The following CSGALNACT1 variants were observed in gnomAD, a reference collection of about 807,000 sequenced individuals.
CSGALNACT1 encodes the protein beta4GalNAcT-1.
A neutral mutation model predicts 51.0 loss-of-function variants in CSGALNACT1; 52 were observed. The ratio of observed to expected loss-of-function variants is 1.02; its 90% CI spans 0.82 to 1.29. The LOEUF is 1.29. CSGALNACT1 is among the 50% of genes most tolerant of loss of function. The probability of loss-of-function intolerance (pLI) is 0.00; values close to 1 mark genes in which losing one functional copy is unlikely to be tolerated. For missense variants in CSGALNACT1, 935 were observed against 679.2 expected, an observed-to-expected ratio of 1.38 and a Z score of -4.19; for synonymous variants, 341 against 254.4, an observed-to-expected ratio of 1.34 and a Z score of -3.24.
chr8:19,559,670 A>C (rs1183306045), intron 3 of CSGALNACT1, among the ~76,000 whole-genome samples: 1 of 152,168 alleles, frequency 6.6e-6, no homozygotes, highest in African/African-American at 2.4e-5. Flanking sequence ...GCAAACCGAA[A>C]ATGAAATCCA....
chr8:19,755,904 T>C (rs1423633772), intron 1 of CSGALNACT1, among the ~76,000 whole-genome samples: 1 of 152,228 alleles, frequency 6.6e-6, no homozygotes, highest in Non-Finnish European at 1.5e-5. Flanking sequence ...TGTACGGTGA[T>C]CTTACAATGG....
At chr8:19,742,550 C>T (rs949334304) in intron 1 of CSGALNACT1, among the ~76,000 whole-genome samples, 4 of 152,218 alleles carry the variant, frequency 2.6e-5, no homozygotes, top group South Asian at 2.1e-4. Flanking sequence ...GCATCCCCCA[C>T]GACAGCTGTT....
intron 2 of CSGALNACT1, among the ~76,000 whole-genome samples, chr8:19,599,417 G>A (rs764889179): frequency 6.2e-4 from 88 of 142,990 alleles, no homozygotes; most frequent in Non-Finnish European, 1.2e-3. Flanking sequence ...GGAAAGAAAG[G>A]AAGGAAGGAA....
chr8:19,439,870 C>T (rs753037758), exon 6 of CSGALNACT1: 2 of 1,614,172 alleles, frequency 1.2e-6, no homozygotes, highest in South Asian at 2.2e-5. Flanking sequence ...TCATTTATTT[C>T]TTCTTTCCCA....
At position 19,657,065 on chromosome 8, in the gene CSGALNACT1, TAAA is replaced by T. The variant is rs200755706; in HGVS notation, c.-544+25405_-544+25407del. ...GCAACAGAGTAAGACTCCATCTCAT[TAAA>T]AAAAAAAAAAAAAAGGAAAACAAAT... On this transcript the variant is annotated intron_variant, in intron 1 of 9. Coordinates refer to the CSGALNACT1 transcript ENST00000332246. 7.9e-3 allele frequency among the ~76,000 whole-genome samples: 988 copies of T among 125,694 alleles called. 4 individuals carry two copies. Among genetic ancestry groups the T allele is most frequent in the Non-Finnish European group, 9.4e-3 (571 of 60,518 alleles). 82.5% of individuals were successfully genotyped at this position (125,694 alleles called of 152,430 possible). A position where few individuals can be genotyped will look rare whatever the true frequency, so the allele number is the denominator to read the frequency against.
At chr8:19,465,742 T>C (rs1297330723) in intron 4 of CSGALNACT1, among the ~76,000 whole-genome samples, 1 of 152,212 alleles carries the variant, frequency 6.6e-6, no homozygotes, top group Admixed American at 6.5e-5. Flanking sequence ...GAAAAGATCT[T>C]GGGCATCCCC....
intron 3 of CSGALNACT1, among the ~76,000 whole-genome samples, chr8:19,567,912 G>C (rs923056469): frequency 1.5e-4 from 23 of 152,166 alleles, no homozygotes; most frequent in Middle Eastern, 3.4e-3. Flanking sequence ...AAAATATAAA[G>C]TACCTAGAAA....
chr8:19,574,864 G>A (rs141399826), intron 3 of CSGALNACT1, among the ~76,000 whole-genome samples: 3,544 of 152,090 alleles, frequency 0.023, 154 homozygotes, highest in African/African-American at 0.081. Flanking sequence ...GTGAAATCCC[G>A]TCTCTACTAA....
rs182703227 is a variant in CSGALNACT1, at chr8:19,718,043, T to C, written c.-297+39807A>G. Among the ~76,000 whole-genome samples the C allele has an allele frequency of 1.8e-4, 27 of 152,270 alleles. No individual in the cohort carries two copies. In the East Asian group the frequency reaches 1.9e-3, roughly 11 times the overall value. On this transcript the variant is annotated intron_variant, in intron 1 of 1. Coordinates refer to the CSGALNACT1 transcript ENST00000517494. ...CATGGGCTGGGGCCTCTGCAGACTTTCTCCTTGGGGCCCAGAGTCCCTTTT... is the reference window on the plus strand; with the variant it reads ...CATGGGCTGGGGCCTCTGCAGACTTCCTCCTTGGGGCCCAGAGTCCCTTTT...
At position 19,738,009 on chromosome 8, in the gene CSGALNACT1, A is replaced by T. The variant is rs1171096306; in HGVS notation, c.-297+19841T>A. Among the ~76,000 whole-genome samples the T allele has an allele frequency of 2.0e-5, 3 of 152,224 alleles. No individual in the cohort carries two copies. In the East Asian group the frequency reaches 5.8e-4, roughly 29 times the overall value. On this transcript the variant is annotated intron_variant, in intron 1 of 1. Transcript: ENST00000517494. ...ACATGAATGTATTTATTACCAATGAACTGTACACTTAAAAATGGTTAAGAT... is the reference window on the plus strand; with the variant it reads ...ACATGAATGTATTTATTACCAATGATCTGTACACTTAAAAATGGTTAAGAT...
intron 6 of CSGALNACT1, among the ~76,000 whole-genome samples, chr8:19,422,084 A>AATCCAGTG (rs1279258217): frequency 6.6e-6 from 1 of 152,194 alleles, no homozygotes; most frequent in East Asian, 1.9e-4. Context: ...CCAGGTACAA[A>AATCCAGTG]ATCCAGTGGT....
chr8:19,550,952 C>G (rs2087890726), intron 3 of CSGALNACT1, among the ~76,000 whole-genome samples: 1 of 152,122 alleles, frequency 6.6e-6, no homozygotes, highest in Admixed American at 6.5e-5. Flanking sequence ...GGTATTTGTC[C>G]AGACACGTGG....
chr8:19,414,594 TACAC>T (rs10555160), intron 8 of CSGALNACT1, among the ~76,000 whole-genome samples: 12,988 of 150,276 alleles, frequency 0.086, 606 homozygotes, highest in South Asian at 0.19. Context: ...AACACACACA[TACAC>T]ACACACACAC....
intron 1 of CSGALNACT1, among the ~76,000 whole-genome samples, chr8:19,625,999 G>A (rs1184410313): frequency 2.0e-5 from 3 of 152,158 alleles, no homozygotes; most frequent in African/African-American, 4.8e-5. Context: ...ACACATACAG[G>A]ATGAAGAAAG....
intron 4 of CSGALNACT1, among the ~76,000 whole-genome samples, chr8:19,499,987 G>C (rs1300958098): frequency 6.6e-6 from 1 of 152,156 alleles, no homozygotes; most frequent in Non-Finnish European, 1.5e-5. Flanking sequence ...CTCAAGCCAT[G>C]TATTTGCTTT....
intron 1 of CSGALNACT1, among the ~76,000 whole-genome samples, chr8:19,617,338 C>T (rs542205597): frequency 3.2e-4 from 49 of 152,282 alleles, no homozygotes; most frequent in African/African-American, 1.0e-3. Context: ...TGGATGAGTA[C>T]GAGTCTGTGG....
At chr8:19,439,296 A>C (rs6999810) in intron 6 of CSGALNACT1, among the ~76,000 whole-genome samples, 20,554 of 152,294 alleles carry the variant, frequency 0.13, 1,686 homozygotes, top group Middle Eastern at 0.23. Flanking sequence ...CAACTGAGTA[A>C]GTTTGATCAA....
At chr8:19,680,435 A>C (rs2060511669) in intron 1 of CSGALNACT1, among the ~76,000 whole-genome samples, 3 of 151,900 alleles carry the variant, frequency 2.0e-5, no homozygotes, top group African/African-American at 7.3e-5. Context: ...GGGTGCCTGT[A>C]ATCCCAGCTA....
At chr8:19,602,680 T>A (rs1194983013), upstream of CSGALNACT1, 1 of 151,810 alleles carries the variant, frequency 6.6e-6, no homozygotes, top group Non-Finnish European at 1.5e-5. Flanking sequence ...TTGCAGGGAG[T>A]GACAACGGGC....
Sources: gnomAD v4.1 joint callset for allele counts (sites outside exome capture counted in the v4.1 genomes callset) on GRCh38, gnomAD v4.1.1 for gene constraint, MANE v1.5 for transcripts, NCBI Gene and HGNC (gene_info 2026-07-23, HGNC 2026-07-21) for gene names.